The following TRDN variants were observed in gnomAD, a reference collection of about 807,000 sequenced individuals.
TRDN encodes triadin in skeletal muscle.
A neutral mutation model predicts 149.7 loss-of-function variants in TRDN; 161 were observed. The ratio of observed to expected loss-of-function variants is 1.08; its 90% confidence interval spans 0.95 to 1.23. TRDN has a LOEUF of 1.23. TRDN is among the 50% of genes most tolerant of loss of function. The pLI, the probability that TRDN is intolerant of heterozygous loss-of-function variation, is 0.00. For synonymous variants in TRDN, 294 were observed against 250.5 expected (o/e 1.17, Z -1.64); for missense variants, 896 against 823.5 (o/e 1.09, Z -1.08).
rs1471557657 is a variant in TRDN, at chr6:123,388,112, A to C, written c.1135+410T>G. Among the ~76,000 whole-genome samples, 3 of 33,084 alleles carry C rather than the reference A, an allele frequency of 9.1e-5. No individual in the cohort carries two copies. In the South Asian group the frequency reaches 1.2e-3, roughly 14 times the overall value. The allele number at this position is 33,084 out of a possible 152,430, so 21.7% of individuals were successfully genotyped here. On this transcript the variant is annotated intron_variant, in intron 14 of 40. Transcript: ENST00000334268. ...AATCCGAGAGGCAGAGCAATGGGAG[A>C]AAAAAAAAAACAGATAAAAAGCTTA...
chr6:123,229,647 A>G (rs1428075481), intron 38 of TRDN, among the ~76,000 whole-genome samples: 2 of 151,900 alleles, frequency 1.3e-5, no homozygotes, highest in Non-Finnish European at 2.9e-5. Context: ...TCAAGGGTGG[A>G]CTTGGTTCTA....
At chr6:123,481,732 A>C (rs1001674081) in intron 9 of TRDN, among the ~76,000 whole-genome samples, 2 of 152,134 alleles carry the variant, frequency 1.3e-5, no homozygotes, top group African/African-American at 2.4e-5. Context: ...AACAATCTCC[A>C]AAACTTCAAA....
intron 2 of TRDN, among the ~76,000 whole-genome samples, chr6:123,557,390 A>G (rs1337976188): frequency 6.6e-6 from 1 of 151,992 alleles, no homozygotes; most frequent in South Asian, 2.1e-4. Context: ...CCCAAGGAAC[A>G]CCTCACCAAT....
chr6:123,621,867 T>TA (rs1458843863), intron 1 of TRDN, among the ~76,000 whole-genome samples: 1 of 152,146 alleles, frequency 6.6e-6, no homozygotes, highest in Non-Finnish European at 1.5e-5. Flanking sequence ...AAAGTATGGA[T>TA]AGATGAATAT....
chr6:123,229,059 T>C (rs560577187), intron 38 of TRDN, among the ~76,000 whole-genome samples: 2 of 151,940 alleles, frequency 1.3e-5, no homozygotes, highest in Non-Finnish European at 2.9e-5. Flanking sequence ...AAGAATAAAA[T>C]TGTACTATCT....
intron 24 of TRDN, among the ~76,000 whole-genome samples, chr6:123,291,609 C>A (rs565166906): frequency 6.6e-6 from 1 of 151,984 alleles, no homozygotes; most frequent in South Asian, 2.1e-4. Flanking sequence ...AAATTTCAAG[C>A]AAGTTTTAGA....
At chr6:123,597,671 C>T (rs572177161) in intron 1 of TRDN, among the ~76,000 whole-genome samples, 1 of 152,064 alleles carries the variant, frequency 6.6e-6, no homozygotes, top group African/African-American at 2.4e-5. Flanking sequence ...CAGCAGACAT[C>T]AACATCAAGG....
intron 18 of TRDN, 86 bp downstream of exon 18, chr6:123,377,630 C>G (rs189532908): frequency 6.7e-7 from 1 of 1,495,042 alleles, no homozygotes; most frequent in Non-Finnish European, 9.2e-7. Context: ...CCTTTACTGG[C>G]GCTGCCTTAC....
At chr6:123,514,673 G>A (rs1779340400) in intron 6 of TRDN, among the ~76,000 whole-genome samples, 1 of 145,280 alleles carries the variant, frequency 6.9e-6, no homozygotes, top group Non-Finnish European at 1.5e-5. Context: ...CATATCATTA[G>A]GAGAAATGGG....
chr6:123,554,791 C>T (rs1781565430), intron 2 of TRDN, among the ~76,000 whole-genome samples: 1 of 152,110 alleles, frequency 6.6e-6, no homozygotes, highest in Non-Finnish European at 1.5e-5. Flanking sequence ...TCAGTATATG[C>T]ATAAAACAAT....
At chr6:123,292,254 A>G (rs1778036376) in intron 24 of TRDN, among the ~76,000 whole-genome samples, 1 of 152,146 alleles carries the variant, frequency 6.6e-6, no homozygotes, top group South Asian at 2.1e-4. Flanking sequence ...TGGGACCCCC[A>G]TGGCTGGGGC....
chr6:123,636,860 G>T lies in TRDN; in HGVS notation c.-85C>A. ...TATTTGGGGATTTGAGAACTCTGGT[G>T]GAGGGTTCTGTGTCAAAACCTGGGG... On this transcript the variant is annotated 5_prime_UTR_variant, in exon 1 of 41. Transcript: ENST00000334268. 6.6e-7 allele frequency: 1 copy of T among 1,517,374 alleles called. No homozygotes were observed. Among genetic ancestry groups the T allele is most frequent in the Non-Finnish European group, 9.1e-7 (1 of 1,094,232 alleles). The allele number at this position is 1,517,374 out of a possible 1,614,324, so 94.0% of individuals were successfully genotyped here. A position where few individuals can be genotyped will look rare whatever the true frequency, so the allele number is the denominator to read the frequency against.
At chr6:123,362,752 T>G (rs1780950188) in intron 20 of TRDN, among the ~76,000 whole-genome samples, 1 of 152,180 alleles carries the variant, frequency 6.6e-6, no homozygotes, top group South Asian at 2.1e-4. Flanking sequence ...TCATTGACAG[T>G]AAAACTTCAG....
At chr6:123,234,511 C>T (rs989351208) in intron 38 of TRDN, among the ~76,000 whole-genome samples, 2 of 152,136 alleles carry the variant, frequency 1.3e-5, no homozygotes, top group Middle Eastern at 3.4e-3. Flanking sequence ...ATGAAGCACT[C>T]GCTAAATTTT....
At chr6:123,496,769 T>C (rs1778467590) in intron 9 of TRDN, among the ~76,000 whole-genome samples, 1 of 152,062 alleles carries the variant, frequency 6.6e-6, no homozygotes, top group Admixed American at 6.5e-5. Flanking sequence ...TTTTAAAGTT[T>C]TGGAAAACAA....
intron 4 of TRDN, among the ~76,000 whole-genome samples, chr6:123,540,848 G>A (rs1270709693): frequency 6.6e-6 from 1 of 152,204 alleles, no homozygotes; most frequent in African/African-American, 2.4e-5. Flanking sequence ...GAGCAAAAGA[G>A]TTCTAATTAA....
intron 1 of TRDN, among the ~76,000 whole-genome samples, chr6:123,584,373 A>G: frequency 8.9e-6 from 1 of 112,830 alleles, no homozygotes; most frequent in Admixed American, 1.2e-4. Flanking sequence ...GGGTGGCAGC[A>G]GCCGCTGCAC....
At chr6:123,599,841 C>T (rs889674843) in intron 1 of TRDN, among the ~76,000 whole-genome samples, 1 of 151,770 alleles carries the variant, frequency 6.6e-6, no homozygotes, top group Admixed American at 6.6e-5. Flanking sequence ...TAGTGTGGAG[C>T]AAGTGCTAGT....
chr6:123,605,595 TA>T (rs1784493786), intron 1 of TRDN, among the ~76,000 whole-genome samples: 1 of 89,452 alleles, frequency 1.1e-5, no homozygotes, highest in Non-Finnish European at 2.0e-5. Context: ...AAACCCTCTC[TA>T]CAAAAAAAAA....
Sources: gnomAD v4.1 joint callset for allele counts (sites outside exome capture counted in the v4.1 genomes callset) on GRCh38, gnomAD v4.1.1 for gene constraint, MANE v1.5 for transcripts, NCBI Gene and HGNC (gene_info 2026-07-23, HGNC 2026-07-21) for gene names.